Variants in MPZL1 observed in about 807,000 individuals in gnomAD.
MPZL1 encodes the protein myelin protein zero like 1, also known as myelin protein zero-like protein 1.
A neutral mutation model predicts 29.3 loss-of-function variants in MPZL1; 16 were observed. The ratio of observed to expected loss-of-function variants is 0.55; its 90% CI spans 0.37 to 0.83. The LOEUF (loss-of-function observed/expected upper bound fraction) is 0.83. Ranked by LOEUF, MPZL1 falls within the 40% of genes least tolerant of loss-of-function variation. The pLI, the probability that MPZL1 is intolerant of heterozygous loss-of-function variation, is 0.00. For synonymous variants in MPZL1, 143 were observed against 132.0 expected (o/e 1.08, Z -0.57); for missense variants, 279 against 332.9 (o/e 0.84, Z 1.26).
At chr1:167,725,830 G>T (rs900608670) in intron 1 of MPZL1, among the ~76,000 whole-genome samples, 13 of 151,636 alleles carry the variant, frequency 8.6e-5, no homozygotes, top group African/African-American at 3.2e-4. Flanking sequence ...ATGTTTGCCA[G>T]GTCTGGAACT....
At chr1:167,749,425 A>T (rs1180387085) in intron 1 of MPZL1, among the ~76,000 whole-genome samples, 3 of 152,220 alleles carry the variant, frequency 2.0e-5, no homozygotes, top group African/African-American at 2.4e-5. Context: ...ATTATGAAAC[A>T]TATAGGTTTC....
chr1:167,732,036 A>T (rs1660283181), intron 1 of MPZL1, among the ~76,000 whole-genome samples: 2 of 152,190 alleles, frequency 1.3e-5, no homozygotes, highest in African/African-American at 2.4e-5. Context: ...TGGTATGACT[A>T]ATTGTATTTT....
At chr1:167,752,543 T>A (rs543686628) in intron 1 of MPZL1, among the ~76,000 whole-genome samples, 170 of 152,336 alleles carry the variant, frequency 1.1e-3, no homozygotes, top group Non-Finnish European at 1.9e-3. Flanking sequence ...ATATATTCAA[T>A]AAATGAATTG....
chr1:167,758,533 CT>C lies in MPZL1; in HGVS notation c.92-7040del, dbSNP rs376036009. Among the ~76,000 whole-genome samples, 945 of 147,846 alleles carry C rather than the reference CT, an allele frequency of 6.4e-3. 8 individuals are homozygous for C. Among genetic ancestry groups the C allele is most frequent in the African/African-American group, 0.022 (884 of 40,438 alleles). On this transcript the variant is annotated intron_variant, in intron 1 of 5. Transcript: ENST00000359523. Reference sequence around the variant, plus strand: ...GATATTGTTTTGTTTTCTATCTTTGCTTTTTTTTTTCTTTCTGAAATGTTCT... The same window carrying C: ...GATATTGTTTTGTTTTCTATCTTTGCTTTTTTTTTCTTTCTGAAATGTTCT...
At chr1:167,726,218 G>T (rs1049181276) in intron 1 of MPZL1, among the ~76,000 whole-genome samples, 4 of 152,148 alleles carry the variant, frequency 2.6e-5, no homozygotes, top group Non-Finnish European at 5.9e-5. Context: ...TTCTGATGTT[G>T]CCCAGGGCTG....
chr1:167,753,521 G>A (rs991213315), intron 1 of MPZL1, among the ~76,000 whole-genome samples: 1 of 152,168 alleles, frequency 6.6e-6, no homozygotes, highest in African/African-American at 2.4e-5. Flanking sequence ...AAAAGGCGAA[G>A]TATTTCTTTC....
chr1:167,770,624 C>T (rs6680341), intron 2 of MPZL1, among the ~76,000 whole-genome samples: 14,690 of 152,226 alleles, frequency 0.097, 764 homozygotes, highest in South Asian at 0.15. Context: ...TAGGATTCTT[C>T]TCCTTTGTGC....
intron 1 of MPZL1, among the ~76,000 whole-genome samples, chr1:167,759,871 G>A (rs547778044): frequency 6.6e-6 from 1 of 152,154 alleles, no homozygotes; most frequent in African/African-American, 2.4e-5. Context: ...TATTTGAGGG[G>A]GTCAGGGTAG....
chr1:167,771,192 A>G (rs1213255513), intron 2 of MPZL1, among the ~76,000 whole-genome samples: 1 of 151,140 alleles, frequency 6.6e-6, no homozygotes, highest in African/African-American at 2.4e-5. Context: ...AGTGGTGATG[A>G]CTCTTAACGA....
intron 2 of MPZL1, 69 bp from the exon 3 acceptor site, chr1:167,772,206 A>G: frequency 2.4e-6 from 3 of 1,243,352 alleles, no homozygotes; most frequent in Non-Finnish European, 1.1e-6. Flanking sequence ...CTTTCATAGC[A>G]TGCACATTAC....
At chr1:167,736,242 A>C (rs550014196) in intron 1 of MPZL1, among the ~76,000 whole-genome samples, 3 of 152,230 alleles carry the variant, frequency 2.0e-5, no homozygotes, top group Non-Finnish European at 4.4e-5. Context: ...GCCCTTTGCT[A>C]GTCTCACTGC....
intron 1 of MPZL1, among the ~76,000 whole-genome samples, chr1:167,759,542 A>T (rs12043242): frequency 0.17 from 25,654 of 152,180 alleles, 2,471 homozygotes; most frequent in East Asian, 0.35. Flanking sequence ...TTCTGACAAG[A>T]TGCCATTCGT....
intron 5 of MPZL1, among the ~76,000 whole-genome samples, chr1:167,782,874 A>G (rs1378896072): frequency 6.6e-6 from 1 of 152,188 alleles, no homozygotes; most frequent in African/African-American, 2.4e-5. Flanking sequence ...GAAGCTGGAA[A>G]AAGCAAGGAG....
chr1:167,746,029 C>A (rs1377974489), intron 1 of MPZL1, among the ~76,000 whole-genome samples: 1 of 152,036 alleles, frequency 6.6e-6, no homozygotes, highest in African/African-American at 2.4e-5. Context: ...ATTACATGAA[C>A]TATGACAATT....
intron 1 of MPZL1, among the ~76,000 whole-genome samples, chr1:167,750,673 A>G (rs1660737898): frequency 6.6e-6 from 1 of 152,232 alleles, no homozygotes; most frequent in Non-Finnish European, 1.5e-5. Context: ...TAAGGACATC[A>G]TGTTATATAA....
At chr1:167,761,884 G>C (rs1660997304) in intron 1 of MPZL1, among the ~76,000 whole-genome samples, 2 of 152,180 alleles carry the variant, frequency 1.3e-5, no homozygotes, top group Non-Finnish European at 2.9e-5. Flanking sequence ...GTGTATGCAA[G>C]GGGGTGAGTA....
rs1171035305 is a variant in MPZL1 at position 167,790,138 on chromosome 1, A to G, written c.*2217A>G. 6.6e-6 allele frequency: 1 copy of G among 152,264 alleles called. No homozygotes were observed. The highest frequency in any genetic ancestry group is 1.9e-4 in the East Asian group (1 of 5,198). The allele number at this position is 152,264 out of a possible 1,614,324, so 9.4% of individuals were successfully genotyped here. The stretch of plus-strand genomic sequence containing the variant: ...TGCTTTCTCAACAGTTCCTGTGAAT[A>G]AATGAAACATTTCGGAGCTCCCTGA... On this transcript the variant is annotated 3_prime_UTR_variant, in exon 6 of 6. Transcript: ENST00000359523.
At chr1:167,741,412 G>A (rs1434553794) in intron 1 of MPZL1, among the ~76,000 whole-genome samples, 6 of 135,324 alleles carry the variant, frequency 4.4e-5, no homozygotes, top group African/African-American at 8.4e-5. Context: ...TGCAACCTCC[G>A]CCTCCCAGAT....
intron 1 of MPZL1, among the ~76,000 whole-genome samples, chr1:167,762,124 C>G (rs1661002773): frequency 6.6e-6 from 1 of 151,808 alleles, no homozygotes; most frequent in African/African-American, 2.4e-5. Context: ...GATTTCACCT[C>G]TGAGGAGGCA....
Sources: gnomAD v4.1 joint callset for allele counts (sites outside exome capture counted in the v4.1 genomes callset) on GRCh38, gnomAD v4.1.1 for gene constraint, MANE v1.5 for transcripts, NCBI Gene and HGNC (gene_info 2026-07-23, HGNC 2026-07-21) for gene names.